TRIM32: variants seen among roughly 807,000 people sequenced by gnomAD.
The protein encoded by TRIM32 is E3 ubiquitin-protein ligase TRIM32.
Under a neutral mutation model 36.0 loss-of-function variants are expected in TRIM32, and 19 were observed. The ratio of observed to expected loss-of-function variants is 0.53; its 90% CI spans 0.37 to 0.77. The LOEUF (loss-of-function observed/expected upper bound fraction) is 0.77. Ranked by LOEUF, TRIM32 falls within the 30% of genes least tolerant of loss-of-function variation. The pLI, the probability that TRIM32 is intolerant of heterozygous loss-of-function variation, is 0.00. For missense variants in TRIM32, 747 were observed against 845.2 expected, an observed-to-expected ratio of 0.88 and a Z score of 1.44; for synonymous variants, 309 against 318.5, an observed-to-expected ratio of 0.97 and a Z score of 0.32.
rs1564214672 is a variant in TRIM32, at chr9:116,697,551, T to TAAGTA, written c.-81-109_-81-105dup. 52 of 707,318 alleles carry TAAGTA rather than the reference T, an allele frequency of 7.4e-5. No homozygotes were observed. The South Asian group carries it at 9.3e-4, about 13-fold the overall frequency. 43.8% of individuals were successfully genotyped at this position (707,318 alleles called of 1,614,324 possible). The stretch of plus-strand genomic sequence containing the variant: ...TAATAGACCTCAATAAAATAGTTGT[T>TAAGTA]AAGTAAGGGAATGACTGAATGACTG... On this transcript the variant is annotated intron_variant, in intron 1 of 1. Coordinates refer to ENST00000450136, the MANE Select transcript of TRIM32 (RefSeq NM_012210.4).
rs1361767035 is a variant in TRIM32, at chr9:116,698,177, G to T, written c.435G>T (p.Arg145=). ...TLPVKEAAEE[R]RRDFGEKLTR... is the part of the protein sequence containing the mutation. ...CTGTCAAAGAAGCAGCTGAGGAGCGGCGTCGGGACTTTGGAGAGAAGTTAA... is the reference window on the plus strand; with the variant it reads ...CTGTCAAAGAAGCAGCTGAGGAGCGTCGTCGGGACTTTGGAGAGAAGTTAA... The change falls in exon 2 of 2, where the codon CGG becomes CGT. Residue 145 remains arginine, a synonymous_variant. Transcript: ENST00000450136. The surrounding 1 kb of genome is among the most constrained non-coding windows in gnomAD (Gnocchi z 4.4). 2 of 1,614,188 alleles carry T rather than the reference G, an allele frequency of 1.2e-6. No individual in the cohort carries two copies. Among genetic ancestry groups the T allele is most frequent in the Non-Finnish European group, 1.7e-6 (2 of 1,180,048 alleles).
In TRIM32 at chr9:116,698,536, T is replaced by C; in HGVS notation, c.794T>C (p.Leu265Pro). 1.2e-6 allele frequency: 2 copies of C among 1,613,830 alleles called. No homozygotes were observed. Among genetic ancestry groups the C allele is most frequent in the Non-Finnish European group, 1.7e-6 (2 of 1,180,006 alleles). ...EETADEEEPE[L>P]TASLPRELTL... The stretch of plus-strand genomic sequence containing the variant: ...ACAGCTGATGAGGAGGAGCCAGAGC[T>C]CACTGCCAGCTTGCCTCGGGAGCTC... The change falls in exon 2 of 2, where the codon CTC becomes CCC. Residue 265 changes from leucine to proline, a missense_variant. Physicochemically the swap from Leu to Pro is moderately conservative, Grantham distance 98. Coordinates refer to ENST00000450136, the MANE Select transcript of TRIM32 (RefSeq NM_012210.4). This position sits in a 1 kb window ranked among gnomAD's most constrained non-coding sequence, Gnocchi z 4.4.
Position 116,700,759 on chromosome 9 carries a change from G to A in TRIM32, c.*1055G>A, listed in dbSNP as rs184974217. 2 of 167,028 alleles carry A rather than the reference G, an allele frequency of 1.2e-5. No homozygotes were observed. Among genetic ancestry groups the A allele is most frequent in the East Asian group, 3.9e-4 (2 of 5,192 alleles). The allele number at this position is 167,028 out of a possible 1,614,324, so 10.3% of individuals were successfully genotyped here. A position where few individuals can be genotyped will look rare whatever the true frequency, so the allele number is the denominator to read the frequency against. ...TGAGAACTGTTTCTTCATCTCTGGT[G>A]TTCATGTCTTTTAATTAAATACGGA... is the stretch of plus-strand genomic sequence containing the variant. On this transcript the variant is annotated 3_prime_UTR_variant, in exon 2 of 2. Transcript: ENST00000450136.
Position 116,700,716 on chromosome 9 carries a change from T to TATCA in TRIM32, c.*1014_*1017dup, listed in dbSNP as rs879167106. On this transcript the variant is annotated 3_prime_UTR_variant, in exon 2 of 2. Transcript: ENST00000450136. ...GTTTCAGGATTTCTTTCCATTTCTC[T>TATCA]ATCAAGCATTAAATAATTGAGAACT... 1.8e-5 allele frequency: 3 copies of TATCA among 166,960 alleles called. No individual in the cohort carries two copies. Among genetic ancestry groups the TATCA allele is most frequent in the African/African-American group, 7.2e-5 (3 of 41,474 alleles). The allele number at this position is 166,960 out of a possible 1,614,324, so 10.3% of individuals were successfully genotyped here.
rs751757854 is a variant in TRIM32 at position 116,699,189 on chromosome 9, T to C, written c.1447T>C (p.Phe483Leu). 1.2e-6 allele frequency: 2 copies of C among 1,614,224 alleles called. No homozygotes were observed. The highest frequency in any genetic ancestry group is 3.3e-5 in the Admixed American group (2 of 60,030). Reference protein sequence around the residue: ...WGITALPSGQFVVTDVEGGKL... With the variant: ...WGITALPSGQLVVTDVEGGKL... Reference sequence around the variant, plus strand: ...TATCACAGCCTTGCCATCTGGCCAGTTTGTAGTAACCGATGTGGAAGGTGG... The same window carrying C: ...TATCACAGCCTTGCCATCTGGCCAGCTTGTAGTAACCGATGTGGAAGGTGG... Residue 483 changes from phenylalanine (F) to leucine (L), a missense_variant, in exon 2 of 2, where the codon TTT becomes CTT. Coordinates refer to ENST00000450136, the MANE Select transcript of TRIM32 (RefSeq NM_012210.4). The surrounding 1 kb of genome is among the most constrained non-coding windows in gnomAD (Gnocchi z 4.2).
At chr9:116,692,904 G>C (rs1860645092) in intron 1 of TRIM32, among the ~76,000 whole-genome samples, 1 of 152,092 alleles carries the variant, frequency 6.6e-6, no homozygotes, top group African/African-American at 2.4e-5. Flanking sequence ...TCTGCTTGAA[G>C]GAGCTACAGC....
At chr9:116,693,565 T>C (rs1196814859) in intron 1 of TRIM32, among the ~76,000 whole-genome samples, 2 of 152,128 alleles carry the variant, frequency 1.3e-5, no homozygotes, top group Non-Finnish European at 2.9e-5. Context: ...GTATTAATCA[T>C]TAGGTCAAGG....
chr9:116,698,713 A>T lies in TRIM32; in HGVS notation c.971A>T (p.Glu324Val). 6.2e-7 allele frequency: 1 copy of T among 1,614,164 alleles called. No homozygotes were observed. Among genetic ancestry groups the T allele is most frequent in the Non-Finnish European group, 8.5e-7 (1 of 1,180,052 alleles). The change falls in exon 2 of 2, where the codon GAG (glutamate) becomes GTG (valine). Residue 324 changes from glutamate (E) to valine (V), a missense_variant. Physicochemically the swap from Glu to Val is moderately radical, Grantham distance 121. Coordinates refer to ENST00000450136, the MANE Select transcript of TRIM32 (RefSeq NM_012210.4). This position sits in a 1 kb window ranked among gnomAD's most constrained non-coding sequence, Gnocchi z 4.4. Reference sequence around the variant, plus strand: ...GCCTCTACCTCTGTTACTTTTAGAGAGATGGACATGAGCCCGGAGGAAGTG... The same window carrying T: ...GCCTCTACCTCTGTTACTTTTAGAGTGATGGACATGAGCCCGGAGGAAGTG... ...SAASTSVTFREMDMSPEEVVA... is the reference protein window; with the variant it reads ...SAASTSVTFRVMDMSPEEVVA...
chr9:116,688,533 TG>T (rs1860391963), intron 1 of TRIM32, among the ~76,000 whole-genome samples: 1 of 151,944 alleles, frequency 6.6e-6, no homozygotes, highest in Admixed American at 6.6e-5. Flanking sequence ...CCTGAAGGAG[TG>T]TGGTAATCCC....
Position 116,699,430 on chromosome 9 carries a change from G to C in TRIM32, c.1688G>C (p.Arg563Pro). 1 of 1,614,146 alleles carries C rather than the reference G, an allele frequency of 6.2e-7. No individual in the cohort carries two copies. The highest frequency in any genetic ancestry group is 8.5e-7 in the Non-Finnish European group (1 of 1,180,016). ...GSVGPDGQLG[R>P]QISHFFSENE... ...GTAGGCCCTGATGGGCAGCTGGGTC[G>C]CCAGATTAGCCACTTCTTCTCGGAG... The change falls in exon 2 of 2, where the codon CGC becomes CCC. Residue 563 changes from arginine (R) to proline (P), a missense_variant. By Grantham distance (103) the Arg-to-Pro change is moderately radical. Transcript: ENST00000450136. This position sits in a 1 kb window ranked among gnomAD's most constrained non-coding sequence, Gnocchi z 4.2.
Position 116,697,776 on chromosome 9 carries a change from G to A in TRIM32, c.34G>A (p.Asp12Asn). The A allele has an allele frequency of 1.2e-6, 2 of 1,614,104 alleles. No individual in the cohort carries two copies. The highest frequency in any genetic ancestry group is 8.5e-7 in the Non-Finnish European group (1 of 1,180,048). Residue 12 changes from aspartate (D) to asparagine (N), a missense_variant, in exon 2 of 2, where the codon GAT becomes AAT. Physicochemically the swap from Asp to Asn is conservative, Grantham distance 23. Transcript: ENST00000450136. The stretch of plus-strand genomic sequence containing the variant: ...AGCAGCAGCTTCTCACCTGAACCTG[G>A]ATGCCCTCCGGGAAGTGCTAGAATG... ...AAAAASHLNL[D>N]ALREVLECPI...
intron 1 of TRIM32, among the ~76,000 whole-genome samples, chr9:116,688,961 T>A (rs532572905): frequency 6.6e-6 from 1 of 152,126 alleles, no homozygotes; most frequent in Non-Finnish European, 1.5e-5. Flanking sequence ...CAAGTCTGGC[T>A]TTGTCTCCTA....
chr9:116,689,926 A>G (rs2132048111), intron 1 of TRIM32, among the ~76,000 whole-genome samples: 1 of 152,280 alleles, frequency 6.6e-6, no homozygotes, highest in African/African-American at 2.4e-5. Context: ...TCATACTCTG[A>G]AGGAGAGTAA....
chr9:116,695,897 AT>A (rs1253747577), intron 1 of TRIM32, among the ~76,000 whole-genome samples: 5 of 152,126 alleles, frequency 3.3e-5, no homozygotes, highest in Admixed American at 6.6e-5. Flanking sequence ...AGGCACTGCT[AT>A]TTTTTAAATC....
At chr9:116,694,011 C>T (rs551237407) in intron 1 of TRIM32, among the ~76,000 whole-genome samples, 11 of 152,084 alleles carry the variant, frequency 7.2e-5, no homozygotes, top group Non-Finnish European at 1.3e-4. Context: ...AGACTATTTC[C>T]GTGCCTCATG....
At position 116,700,287 on chromosome 9, in the gene TRIM32, C is replaced by T. The variant is rs932295071; in HGVS notation, c.*583C>T. On this transcript the variant is annotated 3_prime_UTR_variant, in exon 2 of 2. Transcript: ENST00000450136. ...GTGCTACCAAAGGGGATACACAAGC[C>T]CTTTAGGAAGCAGTACCTCTCGCCT... 5.9e-6 allele frequency: 1 copy of T among 169,560 alleles called. No homozygotes were observed. Among genetic ancestry groups the T allele is most frequent in the African/African-American group, 2.4e-5 (1 of 41,418 alleles). 10.5% of individuals were successfully genotyped at this position (169,560 alleles called of 1,614,324 possible). A position where few individuals can be genotyped will look rare whatever the true frequency, so the allele number is the denominator to read the frequency against.
At chr9:116,691,194 A>G (rs1382345829) in intron 1 of TRIM32, among the ~76,000 whole-genome samples, 1 of 152,070 alleles carries the variant, frequency 6.6e-6, no homozygotes, top group Non-Finnish European at 1.5e-5. Context: ...TTCTCATCCC[A>G]TTTTGTATAT....
In TRIM32 at chr9:116,698,781, G is replaced by C. The variant is rs1564217118; in HGVS notation, c.1039G>C (p.Glu347Gln). The C allele has an allele frequency of 1.2e-6, 2 of 1,614,070 alleles. No individual in the cohort carries two copies. The highest frequency in any genetic ancestry group is 1.7e-6 in the Non-Finnish European group (2 of 1,180,050). ...RASPAKQRGP[E>Q]AASNIQQCLF... ...CTCACCTGCTAAACAGCGGGGTCCT[G>C]AGGCAGCCTCCAATATCCAGCAGTG... The change falls in exon 2 of 2, where the codon GAG becomes CAG. Residue 347 changes from glutamate (E) to glutamine (Q), a missense_variant. By Grantham distance (29) the Glu-to-Gln change is conservative. Coordinates refer to ENST00000450136, the MANE Select transcript of TRIM32 (RefSeq NM_012210.4). The surrounding 1 kb of genome is among the most constrained non-coding windows in gnomAD (Gnocchi z 4.4).
intron 1 of TRIM32, among the ~76,000 whole-genome samples, chr9:116,688,041 G>A (rs1027558061): frequency 3.3e-5 from 5 of 152,040 alleles, no homozygotes; most frequent in African/African-American, 9.7e-5. Flanking sequence ...GGGCAGCACA[G>A]TGCCCGATGG....
Sources: allele counts gnomAD v4.1 joint callset (sites outside exome capture counted in the v4.1 genomes callset), GRCh38; gene constraint gnomAD v4.1.1; non-coding constraint Gnocchi (gnomAD v3.1); transcripts MANE v1.5; gene names NCBI Gene and HGNC (gene_info 2026-07-23, HGNC 2026-07-21).